Variants in DEPTOR observed in about 807,000 individuals in gnomAD.
DEPTOR encodes DEP domain containing MTOR interacting protein.
DEPTOR carries 41 observed loss-of-function variants against 41.6 expected under a neutral mutation model. That is an observed-to-expected ratio of 0.98 (90% CI 0.77 to 1.28). The LOEUF is 1.28. DEPTOR is among the 50% of genes most tolerant of loss of function. DEPTOR has a pLI of 0.00. For synonymous variants in DEPTOR, 195 were observed against 192.3 expected (o/e 1.01, Z -0.12); for missense variants, 514 against 527.9 (o/e 0.97, Z 0.26).
At chr8:119,929,381 T>C (rs1385437209) in intron 2 of DEPTOR, among the ~76,000 whole-genome samples, 1 of 152,170 alleles carries the variant, frequency 6.6e-6, no homozygotes, top group East Asian at 1.9e-4. Context: ...TACTCTTCCT[T>C]TGGGCTCCCA....
intron 4 of DEPTOR, among the ~76,000 whole-genome samples, chr8:119,984,721 A>G (rs773385513): frequency 3.3e-4 from 50 of 152,218 alleles, no homozygotes; most frequent in Non-Finnish European, 6.3e-4. Context: ...TAGTGCTGCT[A>G]TAAACATACG....
chr8:119,889,726 G>C (rs1271029552), intron 1 of DEPTOR, among the ~76,000 whole-genome samples: 1 of 150,948 alleles, frequency 6.6e-6, no homozygotes, highest in African/African-American at 2.4e-5. Flanking sequence ...TGCAGGGCAA[G>C]GGGGCTTAAG....
rs188387247 is a variant in DEPTOR, at chr8:119,966,402, C to T, written c.604+992C>T. 3.2e-3 allele frequency among the ~76,000 whole-genome samples: 485 copies of T among 152,258 alleles called. 3 individuals are homozygous for T. Among genetic ancestry groups the T allele is most frequent in the Non-Finnish European group, 4.6e-3 (310 of 68,026 alleles). On this transcript the variant is annotated intron_variant, in intron 4 of 8. Transcript: ENST00000286234. ...GATTTGAAGTATACAAAAGGATGTGCGTAGGTTATACATGTAAGGGCCAAG... is the reference window on the plus strand; with the variant it reads ...GATTTGAAGTATACAAAAGGATGTGTGTAGGTTATACATGTAAGGGCCAAG...
chr8:120,001,076 C>CAA (rs199941553), intron 4 of DEPTOR, among the ~76,000 whole-genome samples: 3,320 of 148,146 alleles, frequency 0.022, 131 homozygotes, highest in African/African-American at 0.079. Flanking sequence ...GACACCATCT[C>CAA]AAAAAAAAAG....
At position 120,001,568 on chromosome 8, in the gene DEPTOR, G is replaced by A; in HGVS notation, c.648G>A (p.Gln216=). The A allele has an allele frequency of 6.2e-7, 1 of 1,613,590 alleles. No homozygotes were observed. Among genetic ancestry groups the A allele is most frequent in the Non-Finnish European group, 8.5e-7 (1 of 1,179,870 alleles). The change falls in exon 5 of 9, where the codon CAG becomes CAA. Residue 216 remains glutamine, a synonymous_variant. Transcript: ENST00000286234. ...TTGTGGACAGCAATCTTCTCTACCA[G>A]TTCAGAATGAACTTCCGGCGGAGGC... ...HPFVDSNLLY[Q]FRMNFRRRRR...
rs1225243983 is a variant in DEPTOR at position 120,049,844 on chromosome 8, G to T, written c.*140G>T. ...TCTCCGCACATACATGTCTAAAGTT[G>T]AGTTTTATACACTGAATGTGGAAGA... On this transcript the variant is annotated 3_prime_UTR_variant, in exon 9 of 9. Coordinates refer to ENST00000286234, the MANE Select transcript of DEPTOR (RefSeq NM_022783.4). The T allele has an allele frequency of 7.8e-6, 8 of 1,029,608 alleles. No homozygotes were observed. Among genetic ancestry groups the T allele is most frequent in the Non-Finnish European group, 9.4e-6 (7 of 745,086 alleles). 63.8% of individuals were successfully genotyped at this position (1,029,608 alleles called of 1,614,324 possible). A position where few individuals can be genotyped will look rare whatever the true frequency, so the allele number is the denominator to read the frequency against.
chr8:119,878,204 G>T (rs1827252830), intron 1 of DEPTOR, among the ~76,000 whole-genome samples: 1 of 151,936 alleles, frequency 6.6e-6, no homozygotes, highest in Admixed American at 6.6e-5. Context: ...TAGAAGAGAC[G>T]AGGTTTCTCC....
intron 8 of DEPTOR, among the ~76,000 whole-genome samples, chr8:120,013,716 A>G (rs1812566374): frequency 6.6e-6 from 1 of 152,138 alleles, no homozygotes; most frequent in Non-Finnish European, 1.5e-5. Flanking sequence ...CCTGCACTGA[A>G]TGTCAGGCTC....
intron 3 of DEPTOR, among the ~76,000 whole-genome samples, chr8:119,959,363 G>A (rs111457524): frequency 2.6e-5 from 4 of 151,684 alleles, no homozygotes; most frequent in African/African-American, 9.7e-5. Flanking sequence ...GGGTTTCACC[G>A]TGTTAGCCAG....
At chr8:120,013,376 A>C (rs1369642075) in intron 8 of DEPTOR, among the ~76,000 whole-genome samples, 1 of 152,194 alleles carries the variant, frequency 6.6e-6, no homozygotes. Flanking sequence ...CTTACCGAAA[A>C]TACTGACTCA....
intron 4 of DEPTOR, among the ~76,000 whole-genome samples, chr8:119,975,431 CAG>C: frequency 6.6e-6 from 1 of 152,192 alleles, no homozygotes; most frequent in African/African-American, 2.4e-5. Flanking sequence ...ATAGGGGAGA[CAG>C]ATTGGGCTCA....
chr8:119,874,186 C>A (rs1827202787), intron 1 of DEPTOR: 1 of 683,104 alleles, frequency 1.5e-6, no homozygotes, highest in Non-Finnish European at 2.3e-6. Context: ...CTGGCAGAAG[C>A]CGACGAGCGG....
chr8:120,020,686 G>T (rs1812688828), intron 8 of DEPTOR, among the ~76,000 whole-genome samples: 1 of 152,162 alleles, frequency 6.6e-6, no homozygotes, highest in African/African-American at 2.4e-5. Flanking sequence ...GACATGGGGG[G>T]TTTGAGTCTT....
chr8:119,915,860 C>CT (rs1264173048), intron 1 of DEPTOR, among the ~76,000 whole-genome samples: 1 of 148,444 alleles, frequency 6.7e-6, no homozygotes, highest in African/African-American at 2.5e-5. Flanking sequence ...GAAGGGCTCT[C>CT]TTTCTAATCC....
At chr8:120,009,638 A>G (rs992736288) in intron 8 of DEPTOR, among the ~76,000 whole-genome samples, 2 of 151,944 alleles carry the variant, frequency 1.3e-5, no homozygotes, top group African/African-American at 2.4e-5. Context: ...CAAAACAACA[A>G]CAACAACAAC....
At chr8:120,001,824 A>G in intron 5 of DEPTOR, 114 bp downstream of exon 5, 1 of 1,271,100 alleles carries the variant, frequency 7.9e-7, no homozygotes, top group Non-Finnish European at 1.0e-6. Flanking sequence ...ATTTTTACTT[A>G]TTCATAACCA....
Position 120,049,759 on chromosome 8 carries a change from C to T in DEPTOR, c.*55C>T. On this transcript the variant is annotated 3_prime_UTR_variant, in exon 9 of 9. Coordinates refer to ENST00000286234, the MANE Select transcript of DEPTOR (RefSeq NM_022783.4). ...CTGTGGGTGAGGGAAGCCAGAATGA[C>T]ACAAAGCAATGCAAAGACAAGATTG... 1 of 1,602,986 alleles carries T rather than the reference C, an allele frequency of 6.2e-7. No individual in the cohort carries two copies. The highest frequency in any genetic ancestry group is 8.5e-7 in the Non-Finnish European group (1 of 1,173,544).
Position 119,998,194 on chromosome 8 carries a change from T to C in DEPTOR, c.605-3331T>C, listed in dbSNP as rs1228018155. On this transcript the variant is annotated intron_variant, in intron 4 of 8. Transcript: ENST00000286234. ...ACCTCCACCTCCCAGGCTCAAGCGA[T>C]CCTCCCAGCTCAGCCTCCTGAGTAG... Among the ~76,000 whole-genome samples, 3 of 152,300 alleles carry C rather than the reference T, an allele frequency of 2.0e-5. No individual in the cohort carries two copies. In the East Asian group the frequency reaches 5.8e-4, roughly 29 times the overall value.
intron 1 of DEPTOR, among the ~76,000 whole-genome samples, chr8:119,925,277 C>T (rs1236790669): frequency 6.6e-6 from 1 of 152,066 alleles, no homozygotes; most frequent in Non-Finnish European, 1.5e-5. Context: ...GTAATCCCCA[C>T]GACTTGGGAG....
Sources: gnomAD v4.1 joint callset for allele counts (sites outside exome capture counted in the v4.1 genomes callset) on GRCh38, gnomAD v4.1.1 for gene constraint, MANE v1.5 for transcripts, NCBI Gene and HGNC (gene_info 2026-07-23, HGNC 2026-07-21) for gene names.